CMSS1: variants seen among roughly 807,000 people sequenced by gnomAD.
The protein encoded by CMSS1 is protein CMSS1.
A neutral mutation model predicts 43.5 loss-of-function variants in CMSS1; 33 were observed. That is an observed-to-expected ratio of 0.76 (90% CI 0.57 to 1.01). The LOEUF (loss-of-function observed/expected upper bound fraction) is 1.01. Among genes scored for constraint, CMSS1 ranks in the 50% least tolerant of loss-of-function variants. CMSS1 has a pLI of 0.00. For missense variants in CMSS1, 313 were observed against 326.4 expected (o/e 0.96, Z 0.32); for synonymous variants, 115 against 117.2 (o/e 0.98, Z 0.12).
At position 99,924,448 on chromosome 3, in the gene CMSS1, T is replaced by A. The variant is rs550998103; in HGVS notation, c.64+106405T>A. The A allele has an allele frequency of 5.1e-6, 8 of 1,560,280 alleles. No homozygotes were observed. The Admixed American group carries it at 8.6e-5, about 17-fold the overall frequency. On this transcript the variant is annotated intron_variant, in intron 1 of 9. Coordinates refer to ENST00000421999, the MANE Select transcript of CMSS1 (RefSeq NM_032359.4). ...ATTTATAGCCTGTTACCAAATTGTT[T>A]ATATACTGTTGTCTTTCACTCTTTT... is the stretch of plus-strand genomic sequence containing the variant.
intron 1 of CMSS1, among the ~76,000 whole-genome samples, chr3:100,108,043 A>G (rs183162392): frequency 6.6e-6 from 1 of 152,268 alleles, no homozygotes; most frequent in Non-Finnish European, 1.5e-5. Flanking sequence ...GAGGCATTTT[A>G]AATTCATACC....
At chr3:99,935,867 A>ACTAGAAG (rs1707649256) in intron 1 of CMSS1, among the ~76,000 whole-genome samples, 1 of 152,214 alleles carries the variant, frequency 6.6e-6, no homozygotes, top group Non-Finnish European at 1.5e-5. Context: ...GTGTCCATGC[A>ACTAGAAG]AGAGGACTAG....
intron 1 of CMSS1, among the ~76,000 whole-genome samples, chr3:100,003,080 A>C (rs190046152): frequency 6.6e-6 from 1 of 152,242 alleles, no homozygotes; most frequent in East Asian, 1.9e-4. Context: ...TGACTCACAT[A>C]CTGAGGTACT....
rs117688466 is a variant in CMSS1, at chr3:99,858,886, T to C, written c.64+40843T>C. Among the ~76,000 whole-genome samples the C allele has an allele frequency of 1.5e-3, 229 of 152,374 alleles. No homozygotes were observed. The East Asian group carries it at 0.039, about 26-fold the overall frequency. ...AAAGCGTCTGGTTTGGGCTGTCACC[T>C]TGTGCTTCTTCTGTCAGCCTTTTGC... is the stretch of plus-strand genomic sequence containing the variant. On this transcript the variant is annotated intron_variant, in intron 1 of 9. Coordinates refer to ENST00000421999, the MANE Select transcript of CMSS1 (RefSeq NM_032359.4).
chr3:99,998,815 C>A (rs758238807), intron 1 of CMSS1, among the ~76,000 whole-genome samples: 1 of 152,336 alleles, frequency 6.6e-6, no homozygotes, highest in Admixed American at 6.5e-5. Context: ...GTGATCCGCC[C>A]GCCTTAGCCT....
chr3:99,874,226 G>A (rs1364312854), intron 1 of CMSS1: 1 of 152,152 alleles, frequency 6.6e-6, no homozygotes, highest in African/African-American at 2.4e-5. Context: ...GAATTTTGAT[G>A]GAAGTTATGA....
chr3:100,167,598 A>G (rs1475232355), intron 5 of CMSS1, 140 bp from the exon 6 acceptor site: 1 of 449,116 alleles, frequency 2.2e-6, no homozygotes, highest in African/African-American at 2.0e-5. Context: ...CAGAAAATTG[A>G]ATTACAATTG....
intron 1 of CMSS1, among the ~76,000 whole-genome samples, chr3:100,123,681 T>C: frequency 6.6e-6 from 1 of 152,100 alleles, no homozygotes; most frequent in East Asian, 1.9e-4. Flanking sequence ...TAATTTTCCT[T>C]CACACGGCTC....
At chr3:100,045,471 CTG>C (rs1230526785) in intron 1 of CMSS1, among the ~76,000 whole-genome samples, 4 of 152,034 alleles carry the variant, frequency 2.6e-5, no homozygotes, top group Admixed American at 6.5e-5. Context: ...CATTGTGCTG[CTG>C]TGTTAGAATT....
intron 1 of CMSS1, among the ~76,000 whole-genome samples, chr3:100,061,172 G>T (rs931431371): frequency 1.3e-5 from 2 of 151,974 alleles, no homozygotes; most frequent in Non-Finnish European, 2.9e-5. Context: ...GGAAGGAAGG[G>T]TACAATTTTT....
intron 1 of CMSS1, among the ~76,000 whole-genome samples, chr3:100,096,284 C>T (rs1431633985): frequency 1.2e-5 from 1 of 85,358 alleles, no homozygotes; most frequent in Non-Finnish European, 2.5e-5. Context: ...GAAATGAAAT[C>T]AGTATAGCAA....
At chr3:100,139,436 C>T (rs2066784045) in intron 1 of CMSS1, among the ~76,000 whole-genome samples, 1 of 148,884 alleles carries the variant, frequency 6.7e-6, no homozygotes, top group Non-Finnish European at 1.5e-5. Context: ...AATCCCAGCA[C>T]CTTGGGAGGC....
chr3:99,980,180 G>T (rs925542563), intron 1 of CMSS1, among the ~76,000 whole-genome samples: 4 of 152,088 alleles, frequency 2.6e-5, no homozygotes, highest in Admixed American at 6.5e-5. Flanking sequence ...TAGTTTATTG[G>T]ACACTCGGAG....
chr3:100,011,434 A>G (rs1710153794), intron 1 of CMSS1, among the ~76,000 whole-genome samples: 1 of 152,140 alleles, frequency 6.6e-6, no homozygotes, highest in African/African-American at 2.4e-5. Flanking sequence ...ATAATTTAAA[A>G]CACCCAGAGG....
chr3:100,151,184 T>G (rs78228933), intron 2 of CMSS1, among the ~76,000 whole-genome samples: 1 of 152,254 alleles, frequency 6.6e-6, no homozygotes, highest in East Asian at 1.9e-4. Flanking sequence ...CTGTGTCCTA[T>G]TCATTCTCTG....
intron 1 of CMSS1, among the ~76,000 whole-genome samples, chr3:99,976,829 A>C (rs1351908319): frequency 6.6e-6 from 1 of 152,092 alleles, no homozygotes; most frequent in East Asian, 1.9e-4. Flanking sequence ...TATCTCTTCA[A>C]ATATTTCTTC....
intron 1 of CMSS1, among the ~76,000 whole-genome samples, chr3:99,896,537 G>A (rs770697930): frequency 1.3e-5 from 2 of 152,124 alleles, no homozygotes; most frequent in Non-Finnish European, 2.9e-5. Flanking sequence ...AAAAGAGAAC[G>A]TAGTCAGGAA....
rs557994689 is a variant in CMSS1 at position 99,983,495 on chromosome 3, T to C, written c.65-163478T>C. 3.9e-3 allele frequency among the ~76,000 whole-genome samples: 206 copies of C among 52,398 alleles called. 1 individual carries two copies. The highest frequency in any genetic ancestry group is 0.01 in the African/African-American group (167 of 16,258). The allele number at this position is 52,398 out of a possible 152,430, so 34.4% of individuals were successfully genotyped here. ...ATATATATATATATATATATATATATATATATATATATATGTATATATATA... is the reference window on the plus strand; with the variant it reads ...ATATATATATATATATATATATATACATATATATATATATGTATATATATA... On this transcript the variant is annotated intron_variant, in intron 1 of 9. Coordinates refer to ENST00000421999, the MANE Select transcript of CMSS1 (RefSeq NM_032359.4).
chr3:100,058,327 A>T (rs1377504978), intron 1 of CMSS1, among the ~76,000 whole-genome samples: 1 of 152,186 alleles, frequency 6.6e-6, no homozygotes, highest in African/African-American at 2.4e-5. Flanking sequence ...TACAGAATGA[A>T]ACTTTGTACA....
Sources: allele counts gnomAD v4.1 joint callset (sites outside exome capture counted in the v4.1 genomes callset), GRCh38; gene constraint gnomAD v4.1.1; transcripts MANE v1.5; gene names NCBI Gene and HGNC (gene_info 2026-07-23, HGNC 2026-07-21).